PLCG1: variants seen among roughly 807,000 people sequenced by gnomAD.
The protein encoded by PLCG1 is 1-phosphatidylinositol 4,5-bisphosphate phosphodiesterase gamma-1.
In PLCG1, 71 loss-of-function variants were observed where a neutral mutation model predicts 177.8. That is an observed-to-expected ratio of 0.40 (90% CI 0.33 to 0.49). The LOEUF (loss-of-function observed/expected upper bound fraction) is 0.49. Among genes scored for constraint, PLCG1 ranks in the 20% least tolerant of loss-of-function variants. The pLI, the probability that PLCG1 is intolerant of heterozygous loss-of-function variation, is 0.72. For missense variants in PLCG1, 1,281 were observed against 1,709.0 expected (o/e 0.75, Z 4.42); for synonymous variants, 658 against 647.9 (o/e 1.02, Z -0.24).
Position 41,173,319 on chromosome 20 carries a change from G to A in PLCG1, c.3280-101G>A. The A allele has an allele frequency of 7.8e-7, 1 of 1,283,684 alleles. No homozygotes were observed. The highest frequency in any genetic ancestry group is 1.1e-6 in the Non-Finnish European group (1 of 945,764). 79.5% of individuals were successfully genotyped at this position (1,283,684 alleles called of 1,614,324 possible). A position where few individuals can be genotyped will look rare whatever the true frequency, so the allele number is the denominator to read the frequency against. On this transcript the variant is annotated intron_variant, in intron 27 of 31. Transcript: ENST00000685551. This position sits in a 1 kb window ranked among gnomAD's most constrained non-coding sequence, Gnocchi z 6.2. ...GCAGTGTCCCGGGGGCCCAGCAGAG[G>A]GCGCGCTGCCTCCACTCCACAGATG...
Position 41,164,860 on chromosome 20 carries a change from C to G in PLCG1, c.1218-73C>G. The G allele has an allele frequency of 6.8e-7, 1 of 1,471,604 alleles. No homozygotes were observed. Among genetic ancestry groups the G allele is most frequent in the Middle Eastern group, 2.1e-4 (1 of 4,848 alleles). The allele number at this position is 1,471,604 out of a possible 1,614,324, so 91.2% of individuals were successfully genotyped here. ...CCCCCAGGCCCTTGGCTTCCAACAG[C>G]TCACTGTGAGGGGCTACTTAGACCC... On this transcript the variant is annotated intron_variant, in intron 12 of 31. Coordinates refer to ENST00000685551, the MANE Select transcript of PLCG1 (RefSeq NM_002660.3). This position sits in a 1 kb window ranked among gnomAD's most constrained non-coding sequence, Gnocchi z 6.4.
Position 41,153,017 on chromosome 20 carries a change from G to A in PLCG1, c.218-6589G>A, listed in dbSNP as rs2035213170. 1.3e-5 allele frequency among the ~76,000 whole-genome samples: 2 copies of A among 152,230 alleles called. No homozygotes were observed. Among genetic ancestry groups the A allele is most frequent in the Non-Finnish European group, 2.9e-5 (2 of 68,038 alleles). On this transcript the variant is annotated intron_variant, in intron 1 of 31. Coordinates refer to ENST00000685551, the MANE Select transcript of PLCG1 (RefSeq NM_002660.3). The surrounding 1 kb of genome is among the most constrained non-coding windows in gnomAD (Gnocchi z 5.1). ...GCCTTCCTCCAGTGCCCTCTGCAGA[G>A]TGGGGCACACAGGCCTTGAGGGGTT...
Position 41,173,842 on chromosome 20 carries a change from C to T in PLCG1, c.3556+29C>T. On this transcript the variant is annotated intron_variant, in intron 29 of 31. Transcript: ENST00000685551. This position sits in a 1 kb window ranked among gnomAD's most constrained non-coding sequence, Gnocchi z 6.2. ...AGGACCATTCCTGGAGGCAGTGCCC[C>T]TGCAATCTTGCTGGCAGGGTGGGGC... 1 of 1,611,654 alleles carries T rather than the reference C, an allele frequency of 6.2e-7. No individual in the cohort carries two copies. Among genetic ancestry groups the T allele is most frequent in the Non-Finnish European group, 8.5e-7 (1 of 1,178,288 alleles).
chr20:41,162,264 G>A (rs2035531844), intron 4 of PLCG1, 188 bp from the exon 5 acceptor site: 1 of 115,000 alleles, frequency 8.7e-6, no homozygotes. Context: ...TTGCTCAGAT[G>A]AGGAACTGAG....
rs752226751 is a variant in PLCG1 at position 41,168,880 on chromosome 20, T to C, written c.2483+10T>C. On this transcript the variant is annotated intron_variant, in intron 21 of 31. Coordinates refer to ENST00000685551, the MANE Select transcript of PLCG1 (RefSeq NM_002660.3). ...AGCAAGAGGGAGGCTGGTAAGCCAG[T>C]GGTGTGGTAGGCCCAGAGTCCAAGG... 6.3e-7 allele frequency: 1 copy of C among 1,580,598 alleles called. No homozygotes were observed. The highest frequency in any genetic ancestry group is 1.1e-5 in the South Asian group (1 of 90,200).
Position 41,171,572 on chromosome 20 carries a change from G to A in PLCG1, c.2809-621G>A, listed in dbSNP as rs1166439305. Among the ~76,000 whole-genome samples, 3 of 115,186 alleles carry A rather than the reference G, an allele frequency of 2.6e-5. No individual in the cohort carries two copies. The East Asian group carries it at 8.8e-4, about 34-fold the overall frequency. 75.6% of individuals were successfully genotyped at this position (115,186 alleles called of 152,430 possible). ...ACTGAACTCCAGCCTGGGCGACAGA[G>A]CAAGACTCTGTCTCAAAAAAAAAAA... On this transcript the variant is annotated intron_variant, in intron 24 of 31. Coordinates refer to ENST00000685551, the MANE Select transcript of PLCG1 (RefSeq NM_002660.3).
rs866893061 is a variant in PLCG1, at chr20:41,169,355, A to G, written c.2581-102A>G. The G allele has an allele frequency of 8.6e-6, 9 of 1,044,416 alleles. No individual in the cohort carries two copies. In the South Asian group the frequency reaches 1.2e-4, roughly 14 times the overall value. The allele number at this position is 1,044,416 out of a possible 1,614,324, so 64.7% of individuals were successfully genotyped here. A position where few individuals can be genotyped will look rare whatever the true frequency, so the allele number is the denominator to read the frequency against. ...TATACCTGTGCTACATTTGGCAGTC[A>G]CAGGTACACCCACAAGATGTATTTG... On this transcript the variant is annotated intron_variant, in intron 22 of 31. Coordinates refer to ENST00000685551, the MANE Select transcript of PLCG1 (RefSeq NM_002660.3).
chr20:41,167,989 C>G lies in PLCG1; in HGVS notation c.2379+60C>G. On this transcript the variant is annotated intron_variant, in intron 20 of 31. Coordinates refer to ENST00000685551, the MANE Select transcript of PLCG1 (RefSeq NM_002660.3). The surrounding 1 kb of genome is among the most constrained non-coding windows in gnomAD (Gnocchi z 4.4). ...GAGGGTCCCCAGCTGCTTGGGGCTT[C>G]ATTTCTGTGTTCTGGGCCATCTGTG... 2 of 1,140,702 alleles carry G rather than the reference C, an allele frequency of 1.8e-6. No homozygotes were observed. Among genetic ancestry groups the G allele is most frequent in the Non-Finnish European group, 2.7e-6 (2 of 752,602 alleles). The allele number at this position is 1,140,702 out of a possible 1,614,324, so 70.7% of individuals were successfully genotyped here.
In PLCG1 at chr20:41,168,752, T is replaced by C; in HGVS notation, c.2380-15T>C. The C allele has an allele frequency of 2.0e-6, 3 of 1,537,928 alleles. No individual in the cohort carries two copies. Among genetic ancestry groups the C allele is most frequent in the Non-Finnish European group, 2.7e-6 (3 of 1,113,722 alleles). On this transcript the variant is annotated splice_polypyrimidine_tract_variant and intron_variant, in intron 20 of 31. Transcript: ENST00000685551. ...AGAGCCTTTCTGCTCTGACTGGTGC[T>C]TCTCACCTCTGCAGTGTGCAGTCAA...
In PLCG1 at chr20:41,147,475, A is replaced by G. The variant is rs1043822589; in HGVS notation, c.217+9617A>G. 6.6e-6 allele frequency among the ~76,000 whole-genome samples: 1 copy of G among 152,246 alleles called. No homozygotes were observed. Among genetic ancestry groups the G allele is most frequent in the Non-Finnish European group, 1.5e-5 (1 of 68,046 alleles). ...GGGCAAGCAGCTGTCCTAAGCAGGT[A>G]AAACGATAGGTTATTCAACTTCAAC... On this transcript the variant is annotated intron_variant, in intron 1 of 31. Coordinates refer to ENST00000685551, the MANE Select transcript of PLCG1 (RefSeq NM_002660.3). The surrounding 1 kb of genome is among the most constrained non-coding windows in gnomAD (Gnocchi z 4.0).
rs34937295 is a variant in PLCG1, at chr20:41,144,808, G to T, written c.217+6950G>T. On this transcript the variant is annotated intron_variant, in intron 1 of 31. Coordinates refer to ENST00000685551, the MANE Select transcript of PLCG1 (RefSeq NM_002660.3). This position sits in a 1 kb window ranked among gnomAD's most constrained non-coding sequence, Gnocchi z 4.1. Reference sequence around the variant, plus strand: ...TCCAGCCTCTGACTTGTTCATGGTGGCAGTAGATCTCTAGCGTGGTTTGTG... The same window carrying T: ...TCCAGCCTCTGACTTGTTCATGGTGTCAGTAGATCTCTAGCGTGGTTTGTG... Among the ~76,000 whole-genome samples the T allele has an allele frequency of 0.019, 2,936 of 152,136 alleles. 101 individuals carry two copies. The highest frequency in any genetic ancestry group is 0.066 in the African/African-American group (2,731 of 41,470).
rs540329986 is a variant in PLCG1 at position 41,172,765 on chromosome 20, C to T, written c.3167C>T (p.Thr1056Met). The part of the protein sequence containing the change: ...PMQMNQALFM[T>M]GRHCGYVLQP... ...CAGATGAACCAGGCCCTCTTCATGA[C>T]GGGCAGGCACTGTGGCTACGTGCTG... Residue 1056 changes from threonine (T) to methionine (M), a missense_variant, in exon 27 of 32, where the codon ACG (threonine) becomes ATG (methionine). Thr to Met is a moderately conservative substitution (Grantham distance 81). Transcript: ENST00000685551. The surrounding 1 kb of genome is among the most constrained non-coding windows in gnomAD (Gnocchi z 7.0). 1.9e-5 allele frequency: 31 copies of T among 1,614,128 alleles called. No homozygotes were observed. Among genetic ancestry groups the T allele is most frequent in the African/African-American group, 1.6e-4 (12 of 75,034 alleles).
Position 41,152,602 on chromosome 20 carries a change from G to A in PLCG1, c.218-7004G>A, listed in dbSNP as rs2035199491. On this transcript the variant is annotated intron_variant, in intron 1 of 31. Coordinates refer to ENST00000685551, the MANE Select transcript of PLCG1 (RefSeq NM_002660.3). ...TGAGCATCTGTGGCCTTTGCTGCCT[G>A]TTAGATAATTAGCTCTGGAATCTAA... Among the ~76,000 whole-genome samples, 2 of 152,248 alleles carry A rather than the reference G, an allele frequency of 1.3e-5. 1 individual carries two copies. Among genetic ancestry groups the A allele is most frequent in the South Asian group, 4.1e-4 (2 of 4,836 alleles).
rs868557349 is a variant in PLCG1 at position 41,172,544 on chromosome 20, G to A, written c.3029G>A (p.Arg1010His). 1 of 1,613,940 alleles carries A rather than the reference G, an allele frequency of 6.2e-7. No individual in the cohort carries two copies. Among genetic ancestry groups the A allele is most frequent in the Admixed American group, 1.7e-5 (1 of 60,002 alleles). The change falls in exon 26 of 32, where the codon CGC (arginine) becomes CAC (histidine). Residue 1010 changes from arginine to histidine, a missense_variant. Around this residue, in one of 4 missense-constraint regions of PLCG1, gnomAD observed 723 missense variants for 1,030.0 expected, o/e 0.70. Transcript: ENST00000685551. The surrounding 1 kb of genome is among the most constrained non-coding windows in gnomAD (Gnocchi z 7.0). Reference protein sequence around the residue: ...FLQYNRLQLSRIYPKGQRLDS... With the variant: ...FLQYNRLQLSHIYPKGQRLDS... Reference sequence around the variant, plus strand: ...CAGTACAATCGACTGCAGCTCTCCCGCATCTACCCCAAGGGCCAGCGACTG... The same window carrying A: ...CAGTACAATCGACTGCAGCTCTCCCACATCTACCCCAAGGGCCAGCGACTG...
chr20:41,169,615 T>C, intron 23 of PLCG1, 89 bp downstream of exon 23: 1 of 1,040,730 alleles, frequency 9.6e-7, no homozygotes, highest in South Asian at 1.4e-5. Context: ...AGGAAGCTGA[T>C]GGCTGAACCC....
In PLCG1 at chr20:41,165,266, A is replaced by G. The variant is rs758473864; in HGVS notation, c.1408A>G (p.Ser470Gly). 3.1e-6 allele frequency: 5 copies of G among 1,614,138 alleles called. No homozygotes were observed. The South Asian group carries it at 3.3e-5, about 11-fold the overall frequency. Residue 470 changes from serine to glycine, a missense_variant, in exon 14 of 32, where the codon AGT becomes GGT. Ser to Gly is a moderately conservative substitution (Grantham distance 56). This residue lies in a region of PLCG1 where 723 missense variants were observed against 1,030.0 expected (regional missense o/e 0.70). Coordinates refer to ENST00000685551, the MANE Select transcript of PLCG1 (RefSeq NM_002660.3). This position sits in a 1 kb window ranked among gnomAD's most constrained non-coding sequence, Gnocchi z 6.6. ...LIKHKKLAEG[S>G]AYEEVPTSMM... The stretch of plus-strand genomic sequence containing the variant: ...ACAGCACAAGAAGCTGGCTGAGGGC[A>G]GTGCCTACGAGGAGGTGCCTACATC...
In PLCG1 at chr20:41,159,985, G is replaced by C. The variant is rs1568740447; in HGVS notation, c.464+22G>C. ...AGAGGTAAGAACCACTCCTGAAGGG[G>C]TTAGGGCTGGGAGCATTAGGGACCA... On this transcript the variant is annotated intron_variant, in intron 3 of 31. Coordinates refer to ENST00000685551, the MANE Select transcript of PLCG1 (RefSeq NM_002660.3). The surrounding 1 kb of genome is among the most constrained non-coding windows in gnomAD (Gnocchi z 6.0). 5 of 1,608,906 alleles carry C rather than the reference G, an allele frequency of 3.1e-6. No individual in the cohort carries two copies. Among genetic ancestry groups the C allele is most frequent in the East Asian group, 2.2e-5 (1 of 44,860 alleles).
chr20:41,173,793 C>T lies in PLCG1; in HGVS notation c.3536C>T (p.Pro1179Leu). The T allele has an allele frequency of 6.2e-7, 1 of 1,613,908 alleles. No homozygotes were observed. The highest frequency in any genetic ancestry group is 1.1e-5 in the South Asian group (1 of 91,044). The change falls in exon 29 of 32, where the codon CCA becomes CTA. Residue 1179 changes from proline (P) to leucine (L), a missense_variant. By Grantham distance (98) the Pro-to-Leu change is moderately conservative. Transcript: ENST00000685551. The surrounding 1 kb of genome is among the most constrained non-coding windows in gnomAD (Gnocchi z 6.2). ...DQNFLAQATF[P>L]VKGLKTGYRA... ...AATTTCCTGGCTCAGGCTACTTTCCCAGTAAAAGGCCTGAAGACAGGTGAG... is the reference window on the plus strand; with the variant it reads ...AATTTCCTGGCTCAGGCTACTTTCCTAGTAAAAGGCCTGAAGACAGGTGAG...
rs764210774 is a variant in PLCG1 at position 41,169,440 on chromosome 20, G to A, written c.2581-17G>A. 1.3e-5 allele frequency: 21 copies of A among 1,604,168 alleles called. No individual in the cohort carries two copies. The highest frequency in any genetic ancestry group is 1.5e-5 in the Non-Finnish European group (18 of 1,171,076). On this transcript the variant is annotated splice_polypyrimidine_tract_variant and intron_variant, in intron 22 of 31. Coordinates refer to ENST00000685551, the MANE Select transcript of PLCG1 (RefSeq NM_002660.3). ...GCAGTAGCCATGCTGACCATTGGTG[G>A]GCTTTGCTTCCCACAGCACTTGGAC... is the stretch of plus-strand genomic sequence containing the variant.
Sources: gnomAD v4.1 joint callset for allele counts (sites outside exome capture counted in the v4.1 genomes callset) on GRCh38, gnomAD v4.1.1 for gene constraint, gnomAD v4.1.1 regional missense constraint, Gnocchi (gnomAD v3.1) non-coding constraint, MANE v1.5 for transcripts, NCBI Gene and HGNC (gene_info 2026-07-23, HGNC 2026-07-21) for gene names.